The following ATP11A variants were observed in gnomAD, a reference collection of about 807,000 sequenced individuals.
ATP11A encodes the protein phospholipid-transporting ATPase IH.
Under a neutral mutation model 154.4 loss-of-function variants are expected in ATP11A, and 81 were observed. The observed-to-expected ratio is 0.52, with a 90% CI of 0.44 to 0.63. The LOEUF is 0.63. Among genes scored for constraint, ATP11A ranks in the 30% least tolerant of loss-of-function variants. The pLI, the probability that ATP11A is intolerant of heterozygous loss-of-function variation, is 0.00. For synonymous variants in ATP11A, 623 were observed against 585.9 expected, an observed-to-expected ratio of 1.06 and a Z score of -0.91; for missense variants, 1,316 against 1,474.3, an observed-to-expected ratio of 0.89 and a Z score of 1.76.
At position 112,816,127 on chromosome 13, in the gene ATP11A, C is replaced by T. The variant is rs748616014; in HGVS notation, c.486C>T (p.Cys162=). The change falls in exon 6 of 30, where the codon TGC becomes TGT. Residue 162 remains cysteine, a synonymous_variant. Transcript: ENST00000375645. ...VMVKEDETFP[C]DLIFLSSNRG... Reference sequence around the variant, plus strand: ...TTAAGGAGGACGAGACCTTTCCCTGCGACTTGATCTTCCTTTCCAGCAACC... The same window carrying T: ...TTAAGGAGGACGAGACCTTTCCCTGTGACTTGATCTTCCTTTCCAGCAACC... 43 of 1,614,072 alleles carry T rather than the reference C, an allele frequency of 2.7e-5. No individual in the cohort carries two copies. The South Asian group carries it at 3.2e-4, about 12-fold the overall frequency.
chr13:112,700,319 G>C (rs368170267), intron 1 of ATP11A, among the ~76,000 whole-genome samples: 1 of 152,202 alleles, frequency 6.6e-6, no homozygotes, highest in East Asian at 1.9e-4. Flanking sequence ...CCCGTGGTCC[G>C]TGCTGTGGGC....
chr13:112,829,373 A>T (rs1400310836), intron 12 of ATP11A, among the ~76,000 whole-genome samples: 1 of 152,248 alleles, frequency 6.6e-6, no homozygotes, highest in Non-Finnish European at 1.5e-5. Flanking sequence ...ATACAAAAGG[A>T]TCATACCCCA....
At position 112,785,072 on chromosome 13, in the gene ATP11A, C is replaced by T; in HGVS notation, c.40-63C>T. 1 of 1,388,708 alleles carries T rather than the reference C, an allele frequency of 7.2e-7. No homozygotes were observed. Among genetic ancestry groups the T allele is most frequent in the South Asian group, 1.9e-5 (1 of 53,970 alleles). The allele number at this position is 1,388,708 out of a possible 1,614,324, so 86.0% of individuals were successfully genotyped here. On this transcript the variant is annotated intron_variant, in intron 1 of 29. Coordinates refer to ENST00000375645, the MANE Select transcript of ATP11A (RefSeq NM_015205.3). The surrounding 1 kb of genome is among the most constrained non-coding windows in gnomAD (Gnocchi z 4.8). ...GACGAACGTGCCTCAAGGCAACACT[C>T]TGGGCAAGAGCTTTTGATGCAGGTT...
At position 112,785,226 on chromosome 13, in the gene ATP11A, GAT is replaced by G; in HGVS notation, c.133_134del (p.Tyr45ProfsTer22). The G allele has an allele frequency of 1.3e-6, 2 of 1,564,066 alleles. No individual in the cohort carries two copies. The highest frequency in any genetic ancestry group is 1.7e-6 in the Non-Finnish European group (2 of 1,156,398). ...GGCGCAGAGGCCTACATCCCACAGA[GAT>G]ACCCAGACAACAGGATCGTCTCGTC... On this transcript the variant is annotated frameshift_variant, in exon 2 of 30. Coordinates refer to ENST00000375645, the MANE Select transcript of ATP11A (RefSeq NM_015205.3). LOFTEE classifies it high-confidence loss of function. This position sits in a 1 kb window ranked among gnomAD's most constrained non-coding sequence, Gnocchi z 4.8.
chr13:112,749,898 TC>T (rs1338854290), intron 1 of ATP11A, among the ~76,000 whole-genome samples: 18 of 91,652 alleles, frequency 2.0e-4, no homozygotes, highest in African/African-American at 3.0e-4. Flanking sequence ...CGGGGTTGAA[TC>T]CCCCTTCAGC....
At chr13:112,718,810 A>G (rs1311724044) in intron 1 of ATP11A, among the ~76,000 whole-genome samples, 1 of 151,854 alleles carries the variant, frequency 6.6e-6, no homozygotes, top group Non-Finnish European at 1.5e-5. Flanking sequence ...AGCTGGGATT[A>G]CAGTTGCACG....
At chr13:112,779,114 A>G (rs1439504444) in intron 1 of ATP11A, among the ~76,000 whole-genome samples, 32 of 74,204 alleles carry the variant, frequency 4.3e-4, no homozygotes, top group Admixed American at 6.2e-4. Flanking sequence ...GTGAGTAGCC[A>G]CTGGAGTGAG....
chr13:112,770,198 T>G (rs78276981), intron 1 of ATP11A, among the ~76,000 whole-genome samples: 173 of 152,328 alleles, frequency 1.1e-3, no homozygotes, highest in African/African-American at 3.8e-3. Context: ...TGAGAATTTA[T>G]ATTTTTATTT....
At chr13:112,879,141 C>T (rs140944423) in intron 29 of ATP11A, among the ~76,000 whole-genome samples, 11 of 152,350 alleles carry the variant, frequency 7.2e-5, no homozygotes, top group Admixed American at 5.2e-4. Flanking sequence ...ACCGCCTTCA[C>T]GCATGCCTCC....
At chr13:112,729,115 A>G (rs1890212267) in intron 1 of ATP11A, among the ~76,000 whole-genome samples, 1 of 152,224 alleles carries the variant, frequency 6.6e-6, no homozygotes, top group Non-Finnish European at 1.5e-5. Context: ...GAGTGACAAA[A>G]TCGGTGAACC....
intron 1 of ATP11A, among the ~76,000 whole-genome samples, chr13:112,725,409 C>T (rs1889731288): frequency 6.6e-6 from 1 of 152,208 alleles, no homozygotes; most frequent in South Asian, 2.1e-4. Flanking sequence ...CATGCACCAG[C>T]CTCCTTCGCC....
chr13:112,879,702 G>A (rs2080828239), intron 29 of ATP11A, among the ~76,000 whole-genome samples: 1 of 152,312 alleles, frequency 6.6e-6, no homozygotes, highest in African/African-American at 2.4e-5. Context: ...GCACATGCCC[G>A]GCGCACACGG....
In ATP11A at chr13:112,832,954, A is replaced by G; in HGVS notation, c.1490A>G (p.Asp497Gly). The change falls in exon 14 of 30, where the codon GAC (aspartate) becomes GGC (glycine). Residue 497 changes from aspartate to glycine, a missense_variant. By Grantham distance (94) the Asp-to-Gly change is moderately conservative. Coordinates refer to ENST00000375645, the MANE Select transcript of ATP11A (RefSeq NM_015205.3). ...GTAGACGGCCCCAGGAAATCGCCGG[A>G]CGGGGGGAAATCCTGTGTGTACATC... The part of the protein sequence containing the change: ...DSVDGPRKSP[D>G]GGKSCVYISS... The G allele has an allele frequency of 6.2e-7, 1 of 1,613,904 alleles. No homozygotes were observed. Among genetic ancestry groups the G allele is most frequent in the Non-Finnish European group, 8.5e-7 (1 of 1,179,922 alleles).
chr13:112,691,483 G>GGTGT (rs58956060), intron 1 of ATP11A, among the ~76,000 whole-genome samples: 22,343 of 125,048 alleles, frequency 0.18, 2,092 homozygotes, highest in Middle Eastern at 0.26. Context: ...AAAAAAAAAG[G>GGTGT]GTGTGTGTGT....
At chr13:112,699,112 C>T (rs1017347046) in intron 1 of ATP11A, among the ~76,000 whole-genome samples, 1 of 152,156 alleles carries the variant, frequency 6.6e-6, no homozygotes, top group Admixed American at 6.5e-5. Flanking sequence ...TTGTGTAAGT[C>T]GTTCTTTCAA....
At chr13:112,717,287 A>T (rs1342114742) in intron 1 of ATP11A, 1 of 152,166 alleles carries the variant, frequency 6.6e-6, no homozygotes, top group Non-Finnish European at 1.5e-5. Context: ...TTTTCTCCTA[A>T]TCACATCCAA....
chr13:112,759,459 G>A (rs1287531942), intron 1 of ATP11A, among the ~76,000 whole-genome samples: 2 of 152,196 alleles, frequency 1.3e-5, no homozygotes, highest in East Asian at 1.9e-4. Flanking sequence ...TTCAACAATA[G>A]CGCGTGGACA....
chr13:112,860,858 T>C (rs2080080819), intron 24 of ATP11A: 1 of 154,020 alleles, frequency 6.5e-6, no homozygotes, highest in Admixed American at 6.4e-5. Flanking sequence ...GAAGAGATAT[T>C]TTTCTGCTAT....
chr13:112,781,646 G>A (rs2077502420), intron 1 of ATP11A, among the ~76,000 whole-genome samples: 1 of 152,084 alleles, frequency 6.6e-6, no homozygotes, highest in Non-Finnish European at 1.5e-5. Flanking sequence ...GCATCCTCTG[G>A]GGGTCCAGCG....
Sources: allele counts gnomAD v4.1 joint callset (sites outside exome capture counted in the v4.1 genomes callset), GRCh38; gene constraint gnomAD v4.1.1; non-coding constraint Gnocchi (gnomAD v3.1); transcripts MANE v1.5; gene names NCBI Gene and HGNC (gene_info 2026-07-23, HGNC 2026-07-21).